Variants in RYR2 observed in about 807,000 individuals in gnomAD.
The protein encoded by RYR2 is ryanodine receptor 2.
A neutral mutation model predicts 601.1 loss-of-function variants in RYR2; 227 were observed. The observed-to-expected ratio is 0.38, with a 90% confidence interval of 0.34 to 0.42. RYR2 has a LOEUF of 0.42. RYR2 is among the 10% of genes least tolerant of loss of function. The pLI is 1.00. For missense variants in RYR2, 4,646 were observed against 6,156.5 expected (o/e 0.75, Z 8.21); for synonymous variants, 2,223 against 2,175.1 (o/e 1.02, Z -0.61).
At chr1:237,726,826 A>G (rs982061950) in intron 75 of RYR2, among the ~76,000 whole-genome samples, 1 of 152,128 alleles carries the variant, frequency 6.6e-6, no homozygotes, top group Non-Finnish European at 1.5e-5. Flanking sequence ...AGTACACAGT[A>G]TTGGGAAAAT....
intron 82 of RYR2, among the ~76,000 whole-genome samples, chr1:237,759,407 C>G (rs1693227374): frequency 6.6e-6 from 1 of 152,110 alleles, no homozygotes; most frequent in Admixed American, 6.5e-5. Context: ...TTAATGACAT[C>G]ACCTTGGTAT....
intron 2 of RYR2, among the ~76,000 whole-genome samples, chr1:237,300,142 C>G (rs1167839942): frequency 6.6e-6 from 1 of 152,042 alleles, no homozygotes; most frequent in Non-Finnish European, 1.5e-5. Context: ...TTCCATGGGT[C>G]TAATATAGGG....
At chr1:237,755,126 A>T (rs936245329) in intron 80 of RYR2, 15 of 1,283,184 alleles carry the variant, frequency 1.2e-5, no homozygotes, top group Non-Finnish European at 7.1e-6. Context: ...TGGTAACAGC[A>T]TAAATGTCTG....
intron 82 of RYR2, among the ~76,000 whole-genome samples, chr1:237,758,850 G>A (rs148515218): frequency 1.5e-3 from 234 of 152,264 alleles, no homozygotes; most frequent in African/African-American, 4.9e-3. Context: ...GTTTCGTTAT[G>A]CTATGTAACA....
chr1:237,710,682 A>G (rs1688756073), intron 70 of RYR2, among the ~76,000 whole-genome samples: 1 of 57,246 alleles, frequency 1.7e-5, no homozygotes, highest in Non-Finnish European at 4.2e-5. Context: ...CTGTAAAAAG[A>G]TAAATAGATT....
chr1:237,791,827 CT>C lies in RYR2; in HGVS notation c.13564-274del, dbSNP rs149483151. 720 of 567,162 alleles carry C rather than the reference CT, an allele frequency of 1.3e-3. 8 individuals carry two copies. Among genetic ancestry groups the C allele is most frequent in the African/African-American group, 0.012 (662 of 53,526 alleles). The allele number at this position is 567,162 out of a possible 1,614,324, so 35.1% of individuals were successfully genotyped here. On this transcript the variant is annotated intron_variant, in intron 93 of 104. Coordinates refer to ENST00000366574, the MANE Select transcript of RYR2 (RefSeq NM_001035.3). ...GTGGCATACCGTATTATATTACATT[CT>C]TTTGTAATTGAGAAGAGAGCTTAGC...
chr1:237,481,826 A>AC (rs1421078708), intron 17 of RYR2, among the ~76,000 whole-genome samples: 5 of 149,838 alleles, frequency 3.3e-5, no homozygotes, highest in Admixed American at 3.3e-4. Flanking sequence ...AAAAAAAAAA[A>AC]AAAAAAAAAC....
intron 62 of RYR2, among the ~76,000 whole-genome samples, chr1:237,685,472 T>A (rs971625219): frequency 6.6e-6 from 1 of 152,168 alleles, no homozygotes; most frequent in African/African-American, 2.4e-5. Context: ...CAAAACATCC[T>A]AGGTTTGGAT....
At position 237,338,629 on chromosome 1, in the gene RYR2, T is replaced by G. The variant is rs1402734554; in HGVS notation, c.273+7647T>G. Among the ~76,000 whole-genome samples, 3 of 152,324 alleles carry G rather than the reference T, an allele frequency of 2.0e-5. No individual in the cohort carries two copies. The East Asian group carries it at 5.8e-4, about 29-fold the overall frequency. On this transcript the variant is annotated intron_variant, in intron 3 of 104. Coordinates refer to ENST00000366574, the MANE Select transcript of RYR2 (RefSeq NM_001035.3). ...TGTTCAGTCTTTGGCTATAGTCTCT[T>G]CTGTGTCAGGTAACAGTATTTGAAG... is the stretch of plus-strand genomic sequence containing the variant.
intron 1 of RYR2, among the ~76,000 whole-genome samples, chr1:237,050,656 A>G (rs1461372553): frequency 6.6e-6 from 1 of 152,344 alleles, no homozygotes; most frequent in Non-Finnish European, 1.5e-5. Flanking sequence ...GAACCCATGA[A>G]TTTCACTCAT....
chr1:237,417,856 C>A (rs988284148), intron 11 of RYR2, among the ~76,000 whole-genome samples: 4 of 151,962 alleles, frequency 2.6e-5, no homozygotes, highest in African/African-American at 9.6e-5. Flanking sequence ...AAGCTTTAGT[C>A]CTTTGCCTAA....
At chr1:237,473,433 CTT>C (rs1222354276) in intron 17 of RYR2, among the ~76,000 whole-genome samples, 1 of 89,220 alleles carries the variant, frequency 1.1e-5, no homozygotes, top group Non-Finnish European at 2.9e-5. Context: ...CTCTCTCTCT[CTT>C]TCTTTCTTTC....
At chr1:237,089,712 C>T (rs1385037119) in intron 1 of RYR2, among the ~76,000 whole-genome samples, 1 of 152,188 alleles carries the variant, frequency 6.6e-6, no homozygotes, top group African/African-American at 2.4e-5. Context: ...TTCCTTTTAG[C>T]TAATCCCAGT....
chr1:237,396,392 CA>C, intron 10 of RYR2, among the ~76,000 whole-genome samples: 1 of 152,182 alleles, frequency 6.6e-6, no homozygotes, highest in Non-Finnish European at 1.5e-5. Flanking sequence ...TGATTTAAAA[CA>C]AAAGCATTTT....
chr1:237,432,533 T>A (rs957648317), intron 12 of RYR2, among the ~76,000 whole-genome samples: 5 of 152,084 alleles, frequency 3.3e-5, no homozygotes, highest in Non-Finnish European at 7.4e-5. Flanking sequence ...GGGATGGACA[T>A]TTTTTATGCC....
chr1:237,674,277 TCTC>T, intron 59 of RYR2, 58 bp downstream of exon 59: 2 of 1,316,258 alleles, frequency 1.5e-6, no homozygotes, highest in Non-Finnish European at 2.2e-6. Context: ...TATTTAAATA[TCTC>T]CATCATATTT....
intron 101 of RYR2, among the ~76,000 whole-genome samples, chr1:237,824,146 A>G (rs577192479): frequency 2.4e-4 from 37 of 152,294 alleles, no homozygotes; most frequent in African/African-American, 8.9e-4. Context: ...CCAACAATAG[A>G]AAAAGAGGGA....
At chr1:237,399,482 A>C (rs1407525019) in intron 10 of RYR2, among the ~76,000 whole-genome samples, 2 of 152,146 alleles carry the variant, frequency 1.3e-5, no homozygotes, top group Non-Finnish European at 2.9e-5. Context: ...CCAGTGTTGG[A>C]TATAAAATAC....
chr1:237,589,144 C>T (rs1300286454), intron 29 of RYR2, among the ~76,000 whole-genome samples: 1 of 152,152 alleles, frequency 6.6e-6, no homozygotes, highest in Non-Finnish European at 1.5e-5. Context: ...AAATGTACCT[C>T]ATTCATGCAT....
Sources: allele counts gnomAD v4.1 joint callset (sites outside exome capture counted in the v4.1 genomes callset), GRCh38; gene constraint gnomAD v4.1.1; transcripts MANE v1.5; gene names NCBI Gene and HGNC (gene_info 2026-07-23, HGNC 2026-07-21).